ADGRV1: variants seen among roughly 807,000 people sequenced by gnomAD.
The protein encoded by ADGRV1 is G-protein coupled receptor 98.
Under a neutral mutation model 596.2 loss-of-function variants are expected in ADGRV1, and 359 were observed. The observed-to-expected ratio is 0.60, with a 90% CI of 0.55 to 0.66. The LOEUF is 0.66. Ranked by LOEUF, ADGRV1 falls within the 30% of genes least tolerant of loss-of-function variation. The probability of loss-of-function intolerance (pLI) is 0.00; values close to 1 mark genes in which losing one functional copy is unlikely to be tolerated. For missense variants in ADGRV1, 7,274 were observed against 7,575.6 expected, an observed-to-expected ratio of 0.96 and a Z score of 1.48; for synonymous variants, 2,681 against 2,679.2, an observed-to-expected ratio of 1.00 and a Z score of -0.02.
chr5:90,619,222 T>C, intron 4 of ADGRV1, 41 bp downstream of exon 4: 1 of 905,426 alleles, frequency 1.1e-6, no homozygotes, highest in Non-Finnish European at 1.6e-6. Context: ...TGCTAGATAA[T>C]AGTTTATTAA....
chr5:90,694,344 G>C lies in ADGRV1; in HGVS notation c.7588G>C (p.Asp2530His), dbSNP rs1247003497. Residue 2530 changes from aspartate to histidine, a missense_variant, in exon 33 of 90, where the codon GAT (aspartate) becomes CAT (histidine). By Grantham distance (81) the Asp-to-His change is moderately conservative. Coordinates refer to ENST00000405460, the MANE Select transcript of ADGRV1 (RefSeq NM_032119.4). ...ANLTVSILPD[D>H]FPEMDESFLI... is the part of the protein sequence containing the mutation. ...TCTCACAGTGTCTATTCTTCCTGAT[G>C]ATTTCCCAGAGATGGATGAGAGTTT... 3.1e-6 allele frequency: 5 copies of C among 1,613,846 alleles called. No homozygotes were observed. The highest frequency in any genetic ancestry group is 4.2e-6 in the Non-Finnish European group (5 of 1,179,888).
intron 50 of ADGRV1, among the ~76,000 whole-genome samples, chr5:90,739,639 C>A (rs1378665136): frequency 1.3e-5 from 2 of 152,184 alleles, no homozygotes; most frequent in African/African-American, 4.8e-5. Context: ...AGAGCTGTTG[C>A]CTGGGCGTAG....
rs78194386 is a variant in ADGRV1 at position 90,632,088 on chromosome 5, C to T, written c.1839+2549C>T. Among the ~76,000 whole-genome samples, 73 of 152,054 alleles carry T rather than the reference C, an allele frequency of 4.8e-4. 1 individual carries two copies. In the East Asian group the frequency reaches 0.012, roughly 26 times the overall value. On this transcript the variant is annotated intron_variant, in intron 9 of 89. Coordinates refer to ENST00000405460, the MANE Select transcript of ADGRV1 (RefSeq NM_032119.4). ...GTTTGTCTTCTCTGCTGTCAGTGTC[C>T]TCAGGTTTCAGGGTTTCAGAACATT...
Position 91,150,027 on chromosome 5 carries a change from C to G in ADGRV1, c.18433-3C>G. 2.5e-6 allele frequency: 3 copies of G among 1,209,380 alleles called. No homozygotes were observed. Among genetic ancestry groups the G allele is most frequent in the Non-Finnish European group, 3.1e-6 (3 of 956,410 alleles). 74.9% of individuals were successfully genotyped at this position (1,209,380 alleles called of 1,614,324 possible). A position where few individuals can be genotyped will look rare whatever the true frequency, so the allele number is the denominator to read the frequency against. ...TTCTTTTCTTTTTTTTTTTTTTTTGCAGGGACTTTATGTTTTCATGGTTTA... is the reference window on the plus strand; with the variant it reads ...TTCTTTTCTTTTTTTTTTTTTTTTGGAGGGACTTTATGTTTTCATGGTTTA... On this transcript the variant is annotated splice_region_variant and splice_polypyrimidine_tract_variant and intron_variant, in intron 87 of 89. Transcript: ENST00000405460.
chr5:91,148,206 T>C (rs1795718111), intron 87 of ADGRV1, among the ~76,000 whole-genome samples: 5 of 152,202 alleles, frequency 3.3e-5, no homozygotes, highest in Admixed American at 2.6e-4. Context: ...AAATTTGAGC[T>C]GGCTGCAGAA....
chr5:90,720,041 T>C lies in ADGRV1; in HGVS notation c.9448-7T>C. 1 of 1,611,740 alleles carries C rather than the reference T, an allele frequency of 6.2e-7. No individual in the cohort carries two copies. Among genetic ancestry groups the C allele is most frequent in the South Asian group, 1.1e-5 (1 of 90,912 alleles). ...CTAGTAACCTTATCTTTTGATTTTGTTTTCAGGCCCTACAAATATCTGCCA... is the reference window on the plus strand; with the variant it reads ...CTAGTAACCTTATCTTTTGATTTTGCTTTCAGGCCCTACAAATATCTGCCA... On this transcript the variant is annotated splice_region_variant and splice_polypyrimidine_tract_variant and intron_variant, in intron 43 of 89. Transcript: ENST00000405460.
chr5:90,734,798 TC>T (rs1580930531), intron 50 of ADGRV1, among the ~76,000 whole-genome samples: 2 of 152,154 alleles, frequency 1.3e-5, no homozygotes, highest in East Asian at 3.9e-4. Context: ...GACCTCATGA[TC>T]CACCTGCCTC....
At chr5:90,623,621 C>T (rs1277696861) in intron 5 of ADGRV1, among the ~76,000 whole-genome samples, 1 of 152,048 alleles carries the variant, frequency 6.6e-6, no homozygotes, top group African/African-American at 2.4e-5. Context: ...TTATGTTGCC[C>T]AGGCTGGTTT....
chr5:90,839,268 G>GCC (rs1765231478), intron 77 of ADGRV1, among the ~76,000 whole-genome samples: 1 of 152,096 alleles, frequency 6.6e-6, no homozygotes, highest in Non-Finnish European at 1.5e-5. Flanking sequence ...AGGCTGGAGT[G>GCC]CAGTGGCATA....
intron 86 of ADGRV1, among the ~76,000 whole-genome samples, chr5:91,077,602 G>A (rs996804677): frequency 6.6e-6 from 1 of 152,138 alleles, no homozygotes; most frequent in Non-Finnish European, 1.5e-5. Flanking sequence ...TTCCCTCCCT[G>A]AGCATGGCCT....
intron 85 of ADGRV1, among the ~76,000 whole-genome samples, chr5:91,037,642 A>G (rs1032617174): frequency 6.6e-6 from 1 of 152,258 alleles, no homozygotes; most frequent in African/African-American, 2.4e-5. Context: ...AGCCATAAAA[A>G]GATTATTTGC....
At chr5:91,042,445 C>T (rs143372037) in intron 85 of ADGRV1, among the ~76,000 whole-genome samples, 36 of 152,148 alleles carry the variant, frequency 2.4e-4, no homozygotes, top group African/African-American at 8.2e-4. Context: ...TGTTATATTG[C>T]CTAAGCAGGA....
intron 84 of ADGRV1, among the ~76,000 whole-genome samples, chr5:90,984,297 A>C (rs1268363556): frequency 6.6e-6 from 1 of 152,216 alleles, no homozygotes. Context: ...TATCCAGGCA[A>C]TAAGTATTAC....
intron 70 of ADGRV1, among the ~76,000 whole-genome samples, chr5:90,796,174 T>A (rs181331946): frequency 6.6e-6 from 1 of 151,946 alleles, no homozygotes; most frequent in African/African-American, 2.4e-5. Context: ...AATAATAAAC[T>A]CCTCCGAGCT....
intron 1 of ADGRV1, among the ~76,000 whole-genome samples, chr5:90,596,271 T>A (rs1760563740): frequency 6.8e-6 from 1 of 147,354 alleles, no homozygotes; most frequent in African/African-American, 2.5e-5. Flanking sequence ...CCAGATAGGA[T>A]GGCCGCCGGG....
intron 84 of ADGRV1, among the ~76,000 whole-genome samples, chr5:90,971,484 C>A (rs1157243508): frequency 2.6e-5 from 4 of 152,230 alleles, no homozygotes; most frequent in Admixed American, 6.5e-5. Context: ...GGAAGCCCAT[C>A]AGACTAACAG....
At chr5:91,075,488 G>A (rs564407769) in intron 86 of ADGRV1, among the ~76,000 whole-genome samples, 4 of 152,236 alleles carry the variant, frequency 2.6e-5, no homozygotes, top group East Asian at 3.9e-4. Context: ...TAGCCCTCAA[G>A]CATTGAATAT....
chr5:90,717,337 CA>C (rs1750245259), intron 43 of ADGRV1: 1 of 150,338 alleles, frequency 6.7e-6, no homozygotes, highest in African/African-American at 2.5e-5. Flanking sequence ...CACATGTACA[CA>C]TATGTAACAA....
chr5:90,565,500 C>T (rs1322904426), intron 1 of ADGRV1, among the ~76,000 whole-genome samples: 4 of 152,146 alleles, frequency 2.6e-5, no homozygotes, highest in Non-Finnish European at 4.4e-5. Flanking sequence ...CATGTTGTAC[C>T]ATGTAGCAAT....
Sources: gnomAD v4.1 joint callset for allele counts (sites outside exome capture counted in the v4.1 genomes callset) on GRCh38, gnomAD v4.1.1 for gene constraint, MANE v1.5 for transcripts, NCBI Gene and HGNC (gene_info 2026-07-23, HGNC 2026-07-21) for gene names.